The following NAV1 variants were observed in gnomAD, a reference collection of about 807,000 sequenced individuals.
The protein encoded by NAV1 is pore membrane and/or filament interacting like protein 3.
NAV1 carries 18 observed loss-of-function variants against 175.2 expected under a neutral mutation model. The observed-to-expected ratio is 0.10, with a 90% confidence interval of 0.07 to 0.15. The LOEUF is 0.15. Among genes scored for constraint, NAV1 ranks in the 10% least tolerant of loss-of-function variants. The pLI is 1.00. For missense variants in NAV1, 1,731 were observed against 2,436.6 expected (o/e 0.71, Z 6.10); for synonymous variants, 897 against 978.7 (o/e 0.92, Z 1.56).
chr1:201,679,578 C>T (rs1253218729), intron 1 of NAV1, among the ~76,000 whole-genome samples: 1 of 152,186 alleles, frequency 6.6e-6, no homozygotes, highest in East Asian at 1.9e-4. Context: ...TGCTGTCTTC[C>T]CCCAGTCACC....
intron 1 of NAV1, among the ~76,000 whole-genome samples, chr1:201,680,181 C>T (rs1249053953): frequency 1.3e-5 from 2 of 152,070 alleles, no homozygotes; most frequent in South Asian, 2.1e-4. Flanking sequence ...GTGTGTCACA[C>T]GGCAAGAGAG....
chr1:201,817,332 G>T, intron 29 of NAV1, 47 bp downstream of exon 33: 1 of 1,563,808 alleles, frequency 6.4e-7, no homozygotes, highest in Non-Finnish European at 8.7e-7. Context: ...TTATAGAACT[G>T]AATTATTGAC....
At chr1:201,576,615 G>A (rs562621061) in intron 1 of NAV1, among the ~76,000 whole-genome samples, 1 of 152,090 alleles carries the variant, frequency 6.6e-6, no homozygotes, top group Non-Finnish European at 1.5e-5. Flanking sequence ...TTCGTGTAGA[G>A]GTTTTTGTGT....
At chr1:201,814,620 C>T (rs1678907104) in intron 28 of NAV1, among the ~76,000 whole-genome samples, 1 of 152,060 alleles carries the variant, frequency 6.6e-6, no homozygotes, top group Admixed American at 6.5e-5. Context: ...TGCTGTCAGA[C>T]TGATGCCAGA....
At chr1:201,621,608 A>AG (rs1668174210), upstream of NAV1, among the ~76,000 whole-genome samples, 1 of 151,890 alleles carries the variant, frequency 6.6e-6, no homozygotes. Flanking sequence ...CAGGGATTAC[A>AG]GGCGTGAGCC....
At chr1:201,760,507 G>A (rs1480572158) in intron 3 of NAV1, among the ~76,000 whole-genome samples, 1 of 151,898 alleles carries the variant, frequency 6.6e-6, no homozygotes, top group Non-Finnish European at 1.5e-5. Context: ...AGTTCTTTTT[G>A]TGTGGTGACC....
chr1:201,545,597 A>G (rs947422159), intron 1 of NAV1, among the ~76,000 whole-genome samples: 1 of 152,048 alleles, frequency 6.6e-6, no homozygotes, highest in Non-Finnish European at 1.5e-5. Flanking sequence ...CTTCCTCATT[A>G]TATGCATCAC....
chr1:201,680,455 G>A (rs996950298), intron 1 of NAV1, among the ~76,000 whole-genome samples: 2 of 152,052 alleles, frequency 1.3e-5, no homozygotes, highest in African/African-American at 4.8e-5. Context: ...GTGGTGAGCC[G>A]AGATCGCGCC....
At position 201,718,310 on chromosome 1, in the gene NAV1, A is replaced by G. The variant is rs1672222048; in HGVS notation, c.861-80A>G. On this transcript the variant is annotated intron_variant, in intron 2 of 29. Transcript: ENST00000367296. This position sits in a 1 kb window ranked among gnomAD's most constrained non-coding sequence, Gnocchi z 4.8. ...CAGGGCCTGTGGGTGGAGGGGAGGCATTGCTGGGGTGCATGTGAGGGGACA... is the reference window on the plus strand; with the variant it reads ...CAGGGCCTGTGGGTGGAGGGGAGGCGTTGCTGGGGTGCATGTGAGGGGACA... 1 of 1,381,886 alleles carries G rather than the reference A, an allele frequency of 7.2e-7. No homozygotes were observed. Among genetic ancestry groups the G allele is most frequent in the South Asian group, 2.0e-5 (1 of 50,370 alleles). 85.6% of individuals were successfully genotyped at this position (1,381,886 alleles called of 1,614,324 possible).
chr1:201,813,285 C>A lies in NAV1; in HGVS notation c.5340+27C>A. 1 of 1,445,216 alleles carries A rather than the reference C, an allele frequency of 6.9e-7. No homozygotes were observed. The highest frequency in any genetic ancestry group is 9.7e-7 in the Non-Finnish European group (1 of 1,030,504). The allele number at this position is 1,445,216 out of a possible 1,614,324, so 89.5% of individuals were successfully genotyped here. A position where few individuals can be genotyped will look rare whatever the true frequency, so the allele number is the denominator to read the frequency against. On this transcript the variant is annotated intron_variant, in intron 28 of 29. Transcript: ENST00000367296. This position sits in a 1 kb window ranked among gnomAD's most constrained non-coding sequence, Gnocchi z 4.2. ...TGAGCCCTACCCCCTTCACTCAAAC[C>A]CTAAGATCAGGCTGTCCTACCTAAC...
rs1163281844 is a variant in NAV1, at chr1:201,813,703, C to A, written c.5340+445C>A. ...AAAAAAGGAGACATCACCTTCTGCT[C>A]TACCTAAATCACTGGAGTCTTTTGA... On this transcript the variant is annotated intron_variant, in intron 28 of 29. Coordinates refer to ENST00000367296, the Ensembl canonical transcript of NAV1. This position sits in a 1 kb window ranked among gnomAD's most constrained non-coding sequence, Gnocchi z 4.2. Among the ~76,000 whole-genome samples the A allele has an allele frequency of 6.6e-6, 1 of 151,384 alleles. No homozygotes were observed. The highest frequency in any genetic ancestry group is 2.4e-5 in the African/African-American group (1 of 41,316).
chr1:201,707,182 G>A (rs760980995), intron 1 of NAV1, among the ~76,000 whole-genome samples: 1 of 152,142 alleles, frequency 6.6e-6, no homozygotes, highest in African/African-American at 2.4e-5. Context: ...CCAAAGCAAG[G>A]TTCCGGAAGA....
chr1:201,816,142 C>A (rs1679015436), intron 28 of NAV1, among the ~76,000 whole-genome samples: 1 of 152,128 alleles, frequency 6.6e-6, no homozygotes, highest in East Asian at 1.9e-4. Flanking sequence ...GAGGCCAAGG[C>A]AGGTAGATCA....
chr1:201,674,655 A>G (rs1340124454), intron 1 of NAV1, among the ~76,000 whole-genome samples: 1 of 152,182 alleles, frequency 6.6e-6, no homozygotes, highest in Non-Finnish European at 1.5e-5. Flanking sequence ...GCAGAAGGTG[A>G]AGTGGGAGCA....
chr1:201,809,010 T>C, intron 20 of NAV1, 139 bp downstream of exon 24: 1 of 1,291,782 alleles, frequency 7.7e-7, no homozygotes, highest in Non-Finnish European at 1.1e-6. Flanking sequence ...GACACTGAGT[T>C]GTAATGGTCC....
chr1:201,684,997 C>T (rs2102405697), intron 1 of NAV1, among the ~76,000 whole-genome samples: 1 of 150,296 alleles, frequency 6.7e-6, no homozygotes, highest in East Asian at 2.0e-4. Context: ...CCAGTTCTGG[C>T]CGGGCGCGGT....
intron 1 of NAV1, among the ~76,000 whole-genome samples, chr1:201,707,476 A>G (rs1284212943): frequency 6.6e-6 from 1 of 152,210 alleles, no homozygotes; most frequent in Non-Finnish European, 1.5e-5. Flanking sequence ...GTGAGGTGAG[A>G]TGACTTGTTC....
At chr1:201,655,037 C>T (rs989727818) in intron 1 of NAV1, among the ~76,000 whole-genome samples, 10 of 152,178 alleles carry the variant, frequency 6.6e-5, no homozygotes, top group Non-Finnish European at 1.0e-4. Flanking sequence ...CTCCATTCGT[C>T]TTTTCTGCTT....
In NAV1 at chr1:201,810,275, G is replaced by A. The variant is rs1678606184; in HGVS notation, c.4561+170G>A. Among the ~76,000 whole-genome samples the A allele has an allele frequency of 6.6e-6, 1 of 152,030 alleles. No individual in the cohort carries two copies. Among genetic ancestry groups the A allele is most frequent in the African/African-American group, 2.4e-5 (1 of 41,380 alleles). On this transcript the variant is annotated intron_variant, in intron 23 of 29. Coordinates refer to ENST00000367296, the Ensembl canonical transcript of NAV1. This position sits in a 1 kb window ranked among gnomAD's most constrained non-coding sequence, Gnocchi z 6.0. The stretch of plus-strand genomic sequence containing the variant: ...TGAGTAAGACCCAGTCCTAACTTTG[G>A]CTCCCAGGGACACTTTTGCTAAGCC...
Sources: gnomAD v4.1 joint callset for allele counts (sites outside exome capture counted in the v4.1 genomes callset) on GRCh38, gnomAD v4.1.1 for gene constraint, Gnocchi (gnomAD v3.1) non-coding constraint, MANE v1.5 for transcripts, NCBI Gene and HGNC (gene_info 2026-07-23, HGNC 2026-07-21) for gene names.